Variants in CCDC178 observed in about 807,000 individuals in gnomAD.
CCDC178 encodes the protein coiled-coil domain-containing protein 178.
CCDC178 carries 126 observed loss-of-function variants against 117.4 expected under a neutral mutation model. That is an observed-to-expected ratio of 1.07 (90% CI 0.93 to 1.24). The LOEUF (loss-of-function observed/expected upper bound fraction) is 1.24, where lower values mean the gene tolerates loss of function less well. Among genes scored for constraint, CCDC178 ranks in the 50% most tolerant of loss-of-function variants. The pLI, the probability that CCDC178 is intolerant of heterozygous loss-of-function variation, is 0.00. For synonymous variants in CCDC178, 283 were observed against 313.4 expected (o/e 0.90, Z 1.02); for missense variants, 1,030 against 986.9 (o/e 1.04, Z -0.59).
intron 3 of CCDC178, among the ~76,000 whole-genome samples, chr18:33,403,441 C>T (rs1034662220): frequency 2.0e-5 from 3 of 150,892 alleles, no homozygotes; most frequent in East Asian, 3.9e-4. Context: ...CAGGTTCTCA[C>T]GTTCTATTAT....
chr18:33,154,655 T>C (rs770194679), intron 20 of CCDC178, among the ~76,000 whole-genome samples: 7 of 152,128 alleles, frequency 4.6e-5, no homozygotes, highest in Non-Finnish European at 8.8e-5. Flanking sequence ...CTATATGAGA[T>C]GAACTTTATA....
At chr18:32,974,454 T>G in intron 22 of CCDC178, 93 bp downstream of exon 22, 1 of 1,188,316 alleles carries the variant, frequency 8.4e-7, no homozygotes, top group South Asian at 1.4e-5. Flanking sequence ...AAAACTCTGA[T>G]GGGATATGGT....
intron 20 of CCDC178, among the ~76,000 whole-genome samples, chr18:33,106,120 C>A (rs894316783): frequency 2.6e-5 from 4 of 151,594 alleles, no homozygotes; most frequent in African/African-American, 9.7e-5. Flanking sequence ...TGAAACAATG[C>A]TTATATAATA....
intron 21 of CCDC178, among the ~76,000 whole-genome samples, chr18:33,021,189 C>CAATG (rs2056108774): frequency 6.6e-6 from 1 of 152,208 alleles, no homozygotes; most frequent in Non-Finnish European, 1.5e-5. Flanking sequence ...AGAAAACAAG[C>CAATG]AATGATATTG....
chr18:33,107,765 T>C (rs1598890305), intron 20 of CCDC178, among the ~76,000 whole-genome samples: 1 of 151,850 alleles, frequency 6.6e-6, no homozygotes. Context: ...GAGGTATAAA[T>C]TGGGTAAAGA....
intron 22 of CCDC178, among the ~76,000 whole-genome samples, chr18:32,940,789 A>C (rs2054221023): frequency 6.6e-6 from 1 of 152,122 alleles, no homozygotes; most frequent in Admixed American, 6.6e-5. Flanking sequence ...TAAAAGAAAA[A>C]GATCCAGGTA....
rs117267422 is a variant in CCDC178, at chr18:33,201,072, T to C, written c.2238+10824A>G. 9.3e-3 allele frequency among the ~76,000 whole-genome samples: 1,424 copies of C among 152,324 alleles called. 17 individuals are homozygous for C. Among genetic ancestry groups the C allele is most frequent in the Middle Eastern group, 0.027 (8 of 294 alleles). The stretch of plus-strand genomic sequence containing the variant: ...CAAATGTTGATAATTTATTGTGTCC[T>C]AGACATTGTGACAGACCCTGGAAGG... On this transcript the variant is annotated intron_variant, in intron 20 of 22. Transcript: ENST00000383096.
intron 22 of CCDC178, among the ~76,000 whole-genome samples, chr18:32,951,432 G>A (rs1325143482): frequency 1.3e-5 from 2 of 152,158 alleles, no homozygotes; most frequent in Non-Finnish European, 2.9e-5. Context: ...CAGGGTGGCA[G>A]GAGAGAGAAT....
chr18:32,997,565 T>C (rs530651890), intron 21 of CCDC178, among the ~76,000 whole-genome samples: 16 of 152,226 alleles, frequency 1.1e-4, no homozygotes, highest in African/African-American at 3.6e-4. Context: ...TAAAATAAAA[T>C]CTCTCTCTTG....
chr18:33,276,661 G>T (rs911502038), intron 12 of CCDC178, among the ~76,000 whole-genome samples: 1 of 152,040 alleles, frequency 6.6e-6, no homozygotes, highest in South Asian at 2.1e-4. Flanking sequence ...GAGGACAAAA[G>T]AATAATGATT....
At chr18:33,064,323 A>G (rs1394802091) in intron 21 of CCDC178, among the ~76,000 whole-genome samples, 1 of 152,228 alleles carries the variant, frequency 6.6e-6, no homozygotes, top group Non-Finnish European at 1.5e-5. Context: ...TGTGATCTCA[A>G]TGAGACATTC....
intron 20 of CCDC178, among the ~76,000 whole-genome samples, chr18:33,171,187 A>G (rs1460485386): frequency 2.0e-5 from 3 of 152,240 alleles, no homozygotes; most frequent in Non-Finnish European, 4.4e-5. Context: ...AAATAGACCT[A>G]TCTACTTCCT....
intron 21 of CCDC178, among the ~76,000 whole-genome samples, chr18:32,988,129 AAATT>A (rs1459294896): frequency 2.7e-5 from 4 of 149,320 alleles, no homozygotes; most frequent in Non-Finnish European, 4.4e-5. Flanking sequence ...AAATTTATCA[AAATT>A]AATCATAAAA....
chr18:33,224,675 G>A, intron 17 of CCDC178, 100 bp downstream of exon 17: 2 of 743,432 alleles, frequency 2.7e-6, no homozygotes, highest in Non-Finnish European at 3.9e-6. Flanking sequence ...TTGCCCCTAT[G>A]TGAAATCATA....
At chr18:33,360,851 CAAAT>C (rs1434898115) in intron 6 of CCDC178, among the ~76,000 whole-genome samples, 3 of 151,276 alleles carry the variant, frequency 2.0e-5, no homozygotes, top group Non-Finnish European at 4.4e-5. Flanking sequence ...GAGCGTGATG[CAAAT>C]AAATGAATAA....
intron 5 of CCDC178, among the ~76,000 whole-genome samples, chr18:33,373,005 T>G (rs1174293884): frequency 6.6e-6 from 1 of 152,168 alleles, no homozygotes; most frequent in Non-Finnish European, 1.5e-5. Flanking sequence ...TGATTTTCTT[T>G]CCAAAATGTA....
At chr18:33,394,817 T>C (rs1165726050) in intron 4 of CCDC178, among the ~76,000 whole-genome samples, 1 of 150,438 alleles carries the variant, frequency 6.6e-6, no homozygotes, top group Non-Finnish European at 1.5e-5. Context: ...AAATTCCTCT[T>C]ATTATAAATG....
intron 20 of CCDC178, among the ~76,000 whole-genome samples, chr18:33,114,529 C>A (rs979203793): frequency 2.0e-5 from 3 of 151,934 alleles, no homozygotes; most frequent in Non-Finnish European, 4.4e-5. Context: ...GGCTAATAGT[C>A]CATACTTATT....
chr18:33,291,286 TG>T (rs1373327777), intron 12 of CCDC178, among the ~76,000 whole-genome samples: 1 of 151,894 alleles, frequency 6.6e-6, no homozygotes, highest in African/African-American at 2.4e-5. Context: ...CATAAAGAAA[TG>T]AAAAAAGGTT....
Sources: gnomAD v4.1 joint callset for allele counts (sites outside exome capture counted in the v4.1 genomes callset) on GRCh38, gnomAD v4.1.1 for gene constraint, MANE v1.5 for transcripts, NCBI Gene and HGNC (gene_info 2026-07-23, HGNC 2026-07-21) for gene names.